MICU1: variants seen among roughly 807,000 people sequenced by gnomAD.
MICU1 encodes mitochondrial calcium uptake 1.
Under a neutral mutation model 56.8 loss-of-function variants are expected in MICU1, and 45 were observed. The ratio of observed to expected loss-of-function variants is 0.79; its 90% CI spans 0.62 to 1.02. The LOEUF is 1.02. Ranked by LOEUF, MICU1 falls within the 50% of genes least tolerant of loss-of-function variation. The probability of loss-of-function intolerance (pLI) is 0.00; values close to 1 mark genes in which losing one functional copy is unlikely to be tolerated. For missense variants in MICU1, 504 were observed against 587.1 expected (o/e 0.86, Z 1.46); for synonymous variants, 186 against 195.1 (o/e 0.95, Z 0.39).
chr10:72,607,994 T>G (rs541764109), intron 1 of MICU1, among the ~76,000 whole-genome samples: 1 of 152,308 alleles, frequency 6.6e-6, no homozygotes, highest in South Asian at 2.1e-4. Flanking sequence ...CTGCGTGTTA[T>G]GAGTGAGAGT....
At chr10:72,594,834 C>T (rs969736261) in intron 1 of MICU1, among the ~76,000 whole-genome samples, 11 of 145,634 alleles carry the variant, frequency 7.6e-5, no homozygotes, top group African/African-American at 2.6e-4. Flanking sequence ...CACTTGAGCC[C>T]AGGAGGTTGA....
At chr10:72,431,016 T>C (rs1266512963) in intron 8 of MICU1, among the ~76,000 whole-genome samples, 2 of 152,210 alleles carry the variant, frequency 1.3e-5, no homozygotes, top group African/African-American at 4.8e-5. Flanking sequence ...GATTCCTACA[T>C]GTTACAACAT....
chr10:72,402,069 C>T (rs1199201600), intron 10 of MICU1, among the ~76,000 whole-genome samples: 2 of 152,030 alleles, frequency 1.3e-5, no homozygotes, highest in Admixed American at 6.6e-5. Flanking sequence ...TGGCAATGAG[C>T]CTTCCCAGTG....
At chr10:72,427,723 C>T (rs1426213258) in intron 8 of MICU1, among the ~76,000 whole-genome samples, 2 of 139,926 alleles carry the variant, frequency 1.4e-5, no homozygotes, top group Non-Finnish European at 3.0e-5. Flanking sequence ...ATCATAGACC[C>T]CATCTCTAAA....
intron 1 of MICU1, among the ~76,000 whole-genome samples, chr10:72,568,018 T>C (rs1840487993): frequency 1.3e-5 from 2 of 152,158 alleles, no homozygotes. Flanking sequence ...GATCTAGAAT[T>C]TGAACCTAGG....
At chr10:72,586,005 TTTTTTTTC>T (rs1841043506) in intron 1 of MICU1, among the ~76,000 whole-genome samples, 3 of 121,988 alleles carry the variant, frequency 2.5e-5, no homozygotes, top group Non-Finnish European at 5.2e-5. Flanking sequence ...TTTTTTCTTT[TTTTTTTTC>T]TTTTTTTTTT....
chr10:72,373,346 A>T (rs547436633), intron 11 of MICU1, among the ~76,000 whole-genome samples: 1 of 151,894 alleles, frequency 6.6e-6, no homozygotes, highest in Non-Finnish European at 1.5e-5. Flanking sequence ...ACCTTGGCTA[A>T]ACTTATTTTT....
intron 10 of MICU1, among the ~76,000 whole-genome samples, chr10:72,382,150 G>A (rs113039697): frequency 0.037 from 5,642 of 151,132 alleles, 344 homozygotes; most frequent in African/African-American, 0.13. Flanking sequence ...TTGCTCTGTC[G>A]CCCAGGCTGG....
At chr10:72,624,647 C>A (rs1842186374) in intron 1 of MICU1, among the ~76,000 whole-genome samples, 1 of 152,220 alleles carries the variant, frequency 6.6e-6, no homozygotes, top group African/African-American at 2.4e-5. Context: ...TCCTCAGGCA[C>A]ACAAGCCACT....
chr10:72,518,752 G>C (rs1054512627), intron 5 of MICU1, among the ~76,000 whole-genome samples: 3 of 151,964 alleles, frequency 2.0e-5, no homozygotes, highest in African/African-American at 7.3e-5. Flanking sequence ...GAATGATCTC[G>C]GCTCATGGCA....
At chr10:72,412,485 T>C (rs1863847859) in intron 9 of MICU1, among the ~76,000 whole-genome samples, 1 of 152,262 alleles carries the variant, frequency 6.6e-6, no homozygotes, top group Admixed American at 6.5e-5. Context: ...ATAGTGATTA[T>C]TTCTTTAGGA....
At chr10:72,556,097 T>C (rs1840152180) in intron 3 of MICU1, among the ~76,000 whole-genome samples, 2 of 152,234 alleles carry the variant, frequency 1.3e-5, no homozygotes, top group Admixed American at 6.5e-5. Flanking sequence ...AAATGTATCA[T>C]GTGGCCGGCA....
intron 1 of MICU1, among the ~76,000 whole-genome samples, chr10:72,623,300 C>CAAAAAAAAAAAAAAAAAA (rs1164753291): frequency 4.3e-4 from 24 of 55,876 alleles, no homozygotes; most frequent in Non-Finnish European, 6.5e-4. Context: ...GACTCCGTCT[C>CAAAAAAAAAAAAAAAAAA]AAAAAAAAAA....
chr10:72,620,731 A>G (rs752706950), intron 1 of MICU1, among the ~76,000 whole-genome samples: 2 of 152,150 alleles, frequency 1.3e-5, no homozygotes, highest in Non-Finnish European at 2.9e-5. Flanking sequence ...CTTGCCTCAT[A>G]AACAGAACTA....
At chr10:72,516,822 T>A (rs1867660398) in intron 5 of MICU1, among the ~76,000 whole-genome samples, 2 of 152,178 alleles carry the variant, frequency 1.3e-5, no homozygotes, top group Admixed American at 1.3e-4. Context: ...CTGTTTCTAA[T>A]TCTTTAGTAA....
intron 1 of MICU1, among the ~76,000 whole-genome samples, chr10:72,604,867 T>C (rs1392696103): frequency 6.6e-6 from 1 of 152,200 alleles, no homozygotes; most frequent in East Asian, 1.9e-4. Context: ...GACCTCTTAT[T>C]GGCCATCAAT....
chr10:72,463,069 C>CT (rs797013532), intron 8 of MICU1, among the ~76,000 whole-genome samples: 297 of 145,360 alleles, frequency 2.0e-3, no homozygotes, highest in Middle Eastern at 3.5e-3. Context: ...GTCTTCTGCA[C>CT]TTTTTTTTTT....
intron 8 of MICU1, among the ~76,000 whole-genome samples, chr10:72,429,148 G>C (rs1203009708): frequency 2.0e-5 from 3 of 152,174 alleles, no homozygotes; most frequent in South Asian, 4.1e-4. Flanking sequence ...GGCTGGGTGT[G>C]GTGGGTCACA....
At chr10:72,528,440 A>C (rs1209367051) in intron 5 of MICU1, among the ~76,000 whole-genome samples, 1 of 152,252 alleles carries the variant, frequency 6.6e-6, no homozygotes, top group Non-Finnish European at 1.5e-5. Context: ...TATTTAGCCA[A>C]AAACCTGAAT....
Sources: gnomAD v4.1 joint callset for allele counts (sites outside exome capture counted in the v4.1 genomes callset) on GRCh38, gnomAD v4.1.1 for gene constraint, MANE v1.5 for transcripts, NCBI Gene and HGNC (gene_info 2026-07-23, HGNC 2026-07-21) for gene names.